Variants in DDX25 observed in about 807,000 individuals in gnomAD.
DDX25 encodes the protein ATP-dependent RNA helicase DDX25.
DDX25 carries 70 observed loss-of-function variants against 64.6 expected under a neutral mutation model. The observed-to-expected ratio is 1.08, with a 90% CI of 0.89 to 1.32. DDX25 has a LOEUF of 1.32. Ranked by LOEUF, DDX25 falls within the 40% of genes most tolerant of loss-of-function variation. DDX25 has a pLI of 0.00. For missense variants in DDX25, 587 were observed against 604.4 expected (o/e 0.97, Z 0.30); for synonymous variants, 211 against 213.3 (o/e 0.99, Z 0.09).
At chr11:125,916,949 A>G in intron 8 of DDX25, 65 bp from the exon 9 acceptor site, 1 of 1,470,956 alleles carries the variant, frequency 6.8e-7, no homozygotes. Flanking sequence ...TGGCAGTGGC[A>G]TGAAGTGCTT....
intron 10 of DDX25, among the ~76,000 whole-genome samples, chr11:125,920,684 G>A (rs1945098218): frequency 6.6e-6 from 1 of 152,044 alleles, no homozygotes; most frequent in South Asian, 2.1e-4. Flanking sequence ...AGAGATGAGA[G>A]GAGTAGGGGA....
chr11:125,919,846 T>C (rs573004696), intron 10 of DDX25, among the ~76,000 whole-genome samples: 2 of 152,390 alleles, frequency 1.3e-5, no homozygotes, highest in South Asian at 4.1e-4. Flanking sequence ...TTCTGTGCTC[T>C]TCAGTGGGTA....
intron 8 of DDX25, among the ~76,000 whole-genome samples, chr11:125,916,098 A>G (rs1046684875): frequency 5.3e-5 from 8 of 152,178 alleles, no homozygotes. Context: ...GAGTTTGAGA[A>G]TCACTGGACT....
At position 125,917,173 on chromosome 11, in the gene DDX25, G is replaced by T. The variant is rs766440735; in HGVS notation, c.960G>T (p.Glu320Asp). 2.5e-6 allele frequency: 4 copies of T among 1,611,326 alleles called. No homozygotes were observed. The highest frequency in any genetic ancestry group is 3.4e-6 in the Non-Finnish European group (4 of 1,179,002). The change falls in exon 9 of 12, where the codon GAG becomes GAT. Residue 320 changes from glutamate (E) to aspartate (D), a missense_variant. Coordinates refer to ENST00000263576, the MANE Select transcript of DDX25 (RefSeq NM_013264.5). ...TCCGGCAATATTACGTGCTGTGTGAGCACAGGAAAGACAAATACCAAGCTC... is the reference window on the plus strand; with the variant it reads ...TCCGGCAATATTACGTGCTGTGTGATCACAGGAAAGACAAATACCAAGCTC... The part of the protein sequence containing the change: ...NNIRQYYVLC[E>D]HRKDKYQALC...
chr11:125,904,864 T>A, intron 1 of DDX25: 1 of 565,330 alleles, frequency 1.8e-6, no homozygotes, highest in Non-Finnish European at 3.2e-6. Flanking sequence ...AGTTTTCTAC[T>A]CTGCCCATTT....
rs1945104912 is a variant in DDX25, at chr11:125,920,949, C to G, written c.1202-242C>G. 5.7e-5 allele frequency: 28 copies of G among 491,262 alleles called. No individual in the cohort carries two copies. The South Asian group carries it at 7.4e-4, about 13-fold the overall frequency. 30.4% of individuals were successfully genotyped at this position (491,262 alleles called of 1,614,324 possible). A position where few individuals can be genotyped will look rare whatever the true frequency, so the allele number is the denominator to read the frequency against. The stretch of plus-strand genomic sequence containing the variant: ...ACACACACACACACACACACACACA[C>G]ACACGCCTTGTGTATATTTACATTT... On this transcript the variant is annotated intron_variant, in intron 10 of 11. Transcript: ENST00000263576.
upstream of DDX25, among the ~76,000 whole-genome samples, chr11:125,903,851 C>G (rs1249648579): frequency 6.6e-6 from 1 of 152,072 alleles, no homozygotes; most frequent in Non-Finnish European, 1.5e-5. Flanking sequence ...ATTATGCAAA[C>G]GCATGTAGGA....
At position 125,908,193 on chromosome 11, in the gene DDX25, C is replaced by G; in HGVS notation, c.312-3C>G. On this transcript the variant is annotated splice_polypyrimidine_tract_variant and splice_region_variant and intron_variant, in intron 4 of 11. Transcript: ENST00000263576. Reference sequence around the variant, plus strand: ...GTAAGTGTTTGATTTTTTTTTTTGACAGAAAGGAAGAGTTACTAAAAGGAA... The same window carrying G: ...GTAAGTGTTTGATTTTTTTTTTTGAGAGAAAGGAAGAGTTACTAAAAGGAA... The G allele has an allele frequency of 2.5e-6, 4 of 1,582,834 alleles. No individual in the cohort carries two copies. Among genetic ancestry groups the G allele is most frequent in the Non-Finnish European group, 3.4e-6 (4 of 1,166,278 alleles).
Position 125,905,559 on chromosome 11 carries a change from C to T in DDX25, c.137C>T (p.Ser46Phe), listed in dbSNP as rs117391447. 84 of 1,551,502 alleles carry T rather than the reference C, an allele frequency of 5.4e-5. No individual in the cohort carries two copies. The East Asian group carries it at 2.0e-3, about 37-fold the overall frequency. ...KSTAVRNIDGSINNINEDDEE... is the reference protein window; with the variant it reads ...KSTAVRNIDGFINNINEDDEE... ...TCTCTTCCATCCTTTCCAGATGGTT[C>T]TATTAATAACATCAATGAAGATGAT... The change falls in exon 3 of 12, where the codon TCT becomes TTT. Residue 46 changes from serine to phenylalanine, a missense_variant. Coordinates refer to ENST00000263576, the MANE Select transcript of DDX25 (RefSeq NM_013264.5).
chr11:125,904,987 A>G (rs1406533408), intron 1 of DDX25, among the ~76,000 whole-genome samples: 1 of 152,192 alleles, frequency 6.6e-6, no homozygotes, highest in Non-Finnish European at 1.5e-5. Flanking sequence ...CTAGAGGCCT[A>G]GGAAAGAGAA....
At chr11:125,913,968 C>T (rs1457951277) in intron 8 of DDX25, among the ~76,000 whole-genome samples, 4 of 152,040 alleles carry the variant, frequency 2.6e-5, no homozygotes, top group Middle Eastern at 3.2e-3. Context: ...TTGAGCATTC[C>T]GTTTCTGTCT....
At chr11:125,907,357 C>T (rs1202447760) in intron 4 of DDX25, among the ~76,000 whole-genome samples, 5 of 152,232 alleles carry the variant, frequency 3.3e-5, no homozygotes, top group South Asian at 2.1e-4. Context: ...GCCTGTAATC[C>T]CAGCACTTTG....
rs1249162651 is a variant in DDX25 at position 125,923,320 on chromosome 11, C to A, written c.*439C>A. 6.4e-6 allele frequency: 1 copy of A among 155,844 alleles called. No homozygotes were observed. The allele number at this position is 155,844 out of a possible 1,614,324, so 9.7% of individuals were successfully genotyped here. On this transcript the variant is annotated 3_prime_UTR_variant, in exon 12 of 12. Transcript: ENST00000263576. ...GCCCTTTCCAGCCATTTATGCCTTT[C>A]CCCGCTCCCCGCCTTAAACTCCCCC...
intron 4 of DDX25, among the ~76,000 whole-genome samples, chr11:125,907,463 CCAGG>C (rs1944906496): frequency 6.6e-6 from 1 of 152,060 alleles, no homozygotes; most frequent in African/African-American, 2.4e-5. Context: ...AAAAAATTAG[CCAGG>C]TGTGGTGGCG....
At chr11:125,912,486 G>T (rs994178357) in intron 8 of DDX25, among the ~76,000 whole-genome samples, 1 of 152,192 alleles carries the variant, frequency 6.6e-6, no homozygotes, top group Non-Finnish European at 1.5e-5. Context: ...GGATGTTCAA[G>T]TCCCTGATGT....
At chr11:125,904,621 G>C (rs905912719) in intron 1 of DDX25, 41 bp downstream of exon 1, 2 of 1,424,940 alleles carry the variant, frequency 1.4e-6, no homozygotes, top group Non-Finnish European at 1.8e-6. Context: ...CGCGGGGGTG[G>C]AGCTCCCACT....
rs1367966646 is a variant in DDX25, at chr11:125,921,632, T to A, written c.1390+253T>A. 1.3e-5 allele frequency: 5 copies of A among 382,080 alleles called. No homozygotes were observed. Among genetic ancestry groups the A allele is most frequent in the Non-Finnish European group, 2.4e-5 (5 of 212,046 alleles). The allele number at this position is 382,080 out of a possible 1,614,324, so 23.7% of individuals were successfully genotyped here. On this transcript the variant is annotated intron_variant, in intron 11 of 11. Transcript: ENST00000263576. This position sits in a 1 kb window ranked among gnomAD's most constrained non-coding sequence, Gnocchi z 4.1. ...CAGGCCGGGTGTGGCAGCTCACACC[T>A]GTAATCCCAGCACTTTGGGAGGCCG...
At chr11:125,913,820 AC>A (rs1260633778) in intron 8 of DDX25, among the ~76,000 whole-genome samples, 1 of 151,896 alleles carries the variant, frequency 6.6e-6, no homozygotes, top group African/African-American at 2.4e-5. Flanking sequence ...AAAGTGACCA[AC>A]TTTTTAGAGA....
At chr11:125,922,744 T>A in intron 11 of DDX25, 76 bp from the exon 12 acceptor site, 1 of 1,391,802 alleles carries the variant, frequency 7.2e-7, no homozygotes, top group Non-Finnish European at 9.8e-7. Context: ...TATCACTGTC[T>A]TCAGAAATAT....
Sources: gnomAD v4.1 joint callset for allele counts (sites outside exome capture counted in the v4.1 genomes callset) on GRCh38, gnomAD v4.1.1 for gene constraint, Gnocchi (gnomAD v3.1) non-coding constraint, MANE v1.5 for transcripts, NCBI Gene and HGNC (gene_info 2026-07-23, HGNC 2026-07-21) for gene names.